IQUB: variants seen among roughly 807,000 people sequenced by gnomAD.
IQUB encodes the protein IQ motif and ubiquitin domain containing.
A neutral mutation model predicts 86.4 loss-of-function variants in IQUB; 86 were observed. The observed-to-expected ratio is 1.00, with a 90% CI of 0.84 to 1.19. IQUB has a LOEUF of 1.19. Ranked by LOEUF, IQUB falls within the 50% of genes most tolerant of loss-of-function variation. The pLI is 0.00. For missense variants in IQUB, 946 were observed against 916.9 expected (o/e 1.03, Z -0.41); for synonymous variants, 289 against 304.5 (o/e 0.95, Z 0.53).
intron 9 of IQUB, among the ~76,000 whole-genome samples, chr7:123,466,346 G>C (rs1473168523): frequency 5.3e-5 from 8 of 151,816 alleles, no homozygotes; most frequent in Non-Finnish European, 1.2e-4. Context: ...TTTTATTACT[G>C]GTCCTAATTA....
intron 3 of IQUB, 93 bp from the exon 4 acceptor site, chr7:123,503,456 T>C (rs757981922): frequency 4.4e-5 from 31 of 700,374 alleles, no homozygotes; most frequent in Middle Eastern, 4.1e-4. Flanking sequence ...AAATAAAAAT[T>C]GTATATATTG....
intron 7 of IQUB, among the ~76,000 whole-genome samples, chr7:123,482,354 G>A (rs1279723907): frequency 1.1e-4 from 17 of 151,798 alleles, no homozygotes; most frequent in Non-Finnish European, 2.9e-5. Flanking sequence ...ATCAAGCTCC[G>A]AACACCAAAA....
intron 1 of IQUB, among the ~76,000 whole-genome samples, chr7:123,526,022 T>G (rs1027774069): frequency 1.4e-5 from 2 of 147,264 alleles, no homozygotes; most frequent in Middle Eastern, 3.4e-3. Context: ...TTGAGTGAGA[T>G]TCTTAATCCT....
chr7:123,522,929 C>T (rs1357968112), intron 1 of IQUB, among the ~76,000 whole-genome samples: 1 of 147,954 alleles, frequency 6.8e-6, no homozygotes, highest in Non-Finnish European at 1.5e-5. Flanking sequence ...GTTCAATTCC[C>T]ACCTATGAGT....
At chr7:123,499,682 G>A (rs1164658312) in intron 6 of IQUB, among the ~76,000 whole-genome samples, 1 of 152,110 alleles carries the variant, frequency 6.6e-6, no homozygotes, top group Non-Finnish European at 1.5e-5. Flanking sequence ...TCATGGAAAC[G>A]ATATATAGGC....
chr7:123,462,344 A>T (rs999582928), intron 10 of IQUB, among the ~76,000 whole-genome samples: 1 of 151,830 alleles, frequency 6.6e-6, no homozygotes, highest in Non-Finnish European at 1.5e-5. Context: ...ATGGACATCA[A>T]TGTTCTATAA....
At chr7:123,502,553 T>C in intron 6 of IQUB, 44 bp downstream of exon 6, 1 of 1,555,116 alleles carries the variant, frequency 6.4e-7, no homozygotes, top group Non-Finnish European at 8.8e-7. Flanking sequence ...AACTGGCTTA[T>C]ATATCAAATT....
At chr7:123,503,462 T>C (rs935485033) in intron 3 of IQUB, 99 bp from the exon 4 acceptor site, 2 of 685,878 alleles carry the variant, frequency 2.9e-6, no homozygotes, top group Non-Finnish European at 4.9e-6. Context: ...AAATTGTATA[T>C]ATTGTGTACA....
chr7:123,482,984 T>C (rs929940216), intron 7 of IQUB, among the ~76,000 whole-genome samples: 4 of 152,136 alleles, frequency 2.6e-5, no homozygotes, highest in African/African-American at 9.7e-5. Context: ...CAAAGTCACT[T>C]TACTCATCAG....
rs886434740 is a variant in IQUB, at chr7:123,464,910, T to C, written c.1681A>G (p.Arg561Gly). 19 of 1,607,114 alleles carry C rather than the reference T, an allele frequency of 1.2e-5. No homozygotes were observed. The highest frequency in any genetic ancestry group is 1.4e-5 in the Non-Finnish European group (17 of 1,176,726). The part of the protein sequence containing the change: ...GVKHHNLEGL[R>G]KRIATLFFHY... ...AAAAAGAGTGTCGCAATTCTTTTTC[T>C]GAGTCCTTCAAGGTTATGATGTTTG... The change falls in exon 10 of 13, where the codon AGA (arginine) becomes GGA (glycine). Residue 561 changes from arginine (R) to glycine (G), a missense_variant. Physicochemically the swap from Arg to Gly is moderately radical, Grantham distance 125 (BLOSUM62 -2). Coordinates refer to ENST00000324698, the MANE Select transcript of IQUB (RefSeq NM_178827.5).
intron 7 of IQUB, among the ~76,000 whole-genome samples, chr7:123,486,464 C>T (rs377205674): frequency 6.6e-6 from 1 of 152,140 alleles, no homozygotes; most frequent in African/African-American, 2.4e-5. Flanking sequence ...AGAAATTATC[C>T]CTTCTACCTT....
At chr7:123,523,752 G>C in intron 1 of IQUB, among the ~76,000 whole-genome samples, 1 of 152,026 alleles carries the variant, frequency 6.6e-6, no homozygotes, top group Non-Finnish European at 1.5e-5. Context: ...CATTGCTTTT[G>C]GTGTTTTAGA....
intron 7 of IQUB, among the ~76,000 whole-genome samples, chr7:123,487,170 T>C (rs532379583): frequency 3.3e-5 from 5 of 152,298 alleles, no homozygotes; most frequent in African/African-American, 1.2e-4. Flanking sequence ...AAGATGGTGT[T>C]TGATTCCCCT....
chr7:123,521,380 C>A (rs1012868058), intron 1 of IQUB, among the ~76,000 whole-genome samples: 1 of 152,040 alleles, frequency 6.6e-6, no homozygotes, highest in African/African-American at 2.4e-5. Flanking sequence ...CAGTAACTCA[C>A]GCCTGTAATC....
intron 9 of IQUB, among the ~76,000 whole-genome samples, chr7:123,465,272 C>T (rs1355392771): frequency 2.6e-5 from 4 of 151,744 alleles, no homozygotes; most frequent in Non-Finnish European, 5.9e-5. Flanking sequence ...ATAACAGATA[C>T]AGTACAATTC....
At chr7:123,477,792 GAC>G (rs1257914823) in intron 8 of IQUB, among the ~76,000 whole-genome samples, 1 of 152,152 alleles carries the variant, frequency 6.6e-6, no homozygotes, top group African/African-American at 2.4e-5. Context: ...GATATGAAGA[GAC>G]ATTTCTCAAA....
At chr7:123,466,865 C>T (rs550045102) in intron 9 of IQUB, among the ~76,000 whole-genome samples, 2 of 152,128 alleles carry the variant, frequency 1.3e-5, no homozygotes, top group South Asian at 2.1e-4. Context: ...TGGGCCATAT[C>T]GATGACCAAA....
Position 123,502,601 on chromosome 7 carries a change from T to TAA in IQUB, c.1018_1019insTT (p.Lys340IlefsTer4). On this transcript the variant is annotated frameshift_variant, in exon 6 of 13. Transcript: ENST00000324698. LOFTEE classifies it high-confidence loss of function. ...CCACAATAAAAGTTATCTCACCGCC[T>TAA]TTAGTCTTTGAGCATGGTATTCTGC... The TAA allele has an allele frequency of 6.2e-7, 1 of 1,610,246 alleles. No individual in the cohort carries two copies. The highest frequency in any genetic ancestry group is 2.2e-5 in the East Asian group (1 of 44,824).
At chr7:123,468,828 G>A (rs1416298744) in intron 9 of IQUB, among the ~76,000 whole-genome samples, 1 of 151,840 alleles carries the variant, frequency 6.6e-6, no homozygotes, top group African/African-American at 2.4e-5. Context: ...ATTAAAAGTA[G>A]GATTAAGAAC....
Sources: allele counts gnomAD v4.1 joint callset (sites outside exome capture counted in the v4.1 genomes callset), GRCh38; gene constraint gnomAD v4.1.1; transcripts MANE v1.5; gene names NCBI Gene and HGNC (gene_info 2026-07-23, HGNC 2026-07-21).